The following STXBP5L variants were observed in gnomAD, a reference collection of about 807,000 sequenced individuals.
The protein encoded by STXBP5L is syntaxin-binding protein 5-like.
A neutral mutation model predicts 144.5 loss-of-function variants in STXBP5L; 65 were observed. The ratio of observed to expected loss-of-function variants is 0.45; its 90% CI spans 0.37 to 0.55. The LOEUF (loss-of-function observed/expected upper bound fraction) is 0.55. STXBP5L is among the 20% of genes least tolerant of loss of function. STXBP5L has a pLI of 0.00. For missense variants in STXBP5L, 1,298 were observed against 1,405.5 expected (o/e 0.92, Z 1.22); for synonymous variants, 505 against 469.6 (o/e 1.08, Z -0.97).
At chr3:121,190,650 C>A (rs1020477867) in intron 9 of STXBP5L, among the ~76,000 whole-genome samples, 1 of 151,932 alleles carries the variant, frequency 6.6e-6, no homozygotes, top group Non-Finnish European at 1.5e-5. Context: ...GCACCCCCCA[C>A]CTCCCAGATG....
At chr3:121,384,095 T>A (rs1242845265) in intron 22 of STXBP5L, among the ~76,000 whole-genome samples, 1 of 152,094 alleles carries the variant, frequency 6.6e-6, no homozygotes, top group African/African-American at 2.4e-5. Context: ...TACTTTGAAA[T>A]TTATCCACTC....
chr3:121,172,692 A>C (rs1175761623), intron 9 of STXBP5L, among the ~76,000 whole-genome samples: 1 of 152,184 alleles, frequency 6.6e-6, no homozygotes, highest in Non-Finnish European at 1.5e-5. Context: ...CAGATGCTGG[A>C]GAGGATGTGG....
intron 5 of STXBP5L, among the ~76,000 whole-genome samples, chr3:121,097,712 T>C (rs1053577352): frequency 4.6e-5 from 7 of 152,122 alleles, no homozygotes; most frequent in African/African-American, 1.7e-4. Context: ...TCACCCACCT[T>C]CTGTGTCGAT....
chr3:121,021,806 A>G (rs1015301991), intron 3 of STXBP5L, among the ~76,000 whole-genome samples: 1 of 152,174 alleles, frequency 6.6e-6, no homozygotes, highest in Non-Finnish European at 1.5e-5. Flanking sequence ...GCCTATATAA[A>G]AAAGTCTGAA....
chr3:121,257,113 A>G (rs777842392), intron 16 of STXBP5L, 48 bp from the exon 17 acceptor site: 2 of 1,362,420 alleles, frequency 1.5e-6, no homozygotes, highest in Non-Finnish European at 2.0e-6. Context: ...AATTAAAACG[A>G]TGATTATTAG....
intron 3 of STXBP5L, among the ~76,000 whole-genome samples, chr3:120,989,069 G>C (rs77226484): frequency 6.6e-6 from 1 of 151,778 alleles, no homozygotes; most frequent in Admixed American, 6.6e-5. Flanking sequence ...ACTATCCATC[G>C]ATAGACACTT....
intron 3 of STXBP5L, among the ~76,000 whole-genome samples, chr3:120,999,693 G>T (rs1448489137): frequency 6.6e-6 from 1 of 152,072 alleles, no homozygotes; most frequent in African/African-American, 2.4e-5. Context: ...ACTTACATAT[G>T]TTTTTGTGAT....
chr3:120,963,938 C>A (rs984218004), intron 3 of STXBP5L, among the ~76,000 whole-genome samples: 2 of 152,148 alleles, frequency 1.3e-5, no homozygotes, highest in African/African-American at 4.8e-5. Context: ...TAATTATTGC[C>A]TCAATTTCAG....
At chr3:121,142,568 A>G (rs750505631) in intron 7 of STXBP5L, among the ~76,000 whole-genome samples, 6 of 151,998 alleles carry the variant, frequency 3.9e-5, no homozygotes, top group Non-Finnish European at 8.8e-5. Flanking sequence ...TCTGACCACA[A>G]TGTAATAAAA....
At chr3:121,314,630 G>GGAGAGC (rs2043714225) in intron 19 of STXBP5L, among the ~76,000 whole-genome samples, 1 of 128,840 alleles carries the variant, frequency 7.8e-6, no homozygotes, top group African/African-American at 2.9e-5. Flanking sequence ...AGAGGGAGAG[G>GGAGAGC]GAGAGCGTAA....
chr3:121,331,975 C>G (rs898657430), intron 20 of STXBP5L, among the ~76,000 whole-genome samples: 1 of 148,960 alleles, frequency 6.7e-6, no homozygotes, highest in Non-Finnish European at 1.5e-5. Context: ...TTTCTATAAC[C>G]AAGAAACTCA....
chr3:121,061,348 G>T (rs1576821604), intron 5 of STXBP5L, among the ~76,000 whole-genome samples: 1 of 152,108 alleles, frequency 6.6e-6, no homozygotes, highest in East Asian at 1.9e-4. Flanking sequence ...TGTTCGTTAT[G>T]ATTTCTGTTC....
chr3:121,068,846 G>T (rs2041671468), intron 5 of STXBP5L, among the ~76,000 whole-genome samples: 1 of 150,912 alleles, frequency 6.6e-6, no homozygotes, highest in Non-Finnish European at 1.5e-5. Flanking sequence ...TTATTTTACT[G>T]CAGCTTTGTT....
intron 22 of STXBP5L, among the ~76,000 whole-genome samples, chr3:121,387,680 G>A (rs1213564311): frequency 6.6e-6 from 1 of 152,110 alleles, no homozygotes; most frequent in Non-Finnish European, 1.5e-5. Flanking sequence ...CCCATTTCTT[G>A]TTTTTGTCAG....
intron 9 of STXBP5L, among the ~76,000 whole-genome samples, chr3:121,178,561 T>C (rs989982207): frequency 6.6e-6 from 1 of 152,180 alleles, no homozygotes; most frequent in Non-Finnish European, 1.5e-5. Context: ...TAAAAACTCT[T>C]TTTAAAACAA....
chr3:121,316,796 G>T (rs1287775761), intron 19 of STXBP5L, among the ~76,000 whole-genome samples: 4 of 152,052 alleles, frequency 2.6e-5, no homozygotes, highest in Non-Finnish European at 4.4e-5. Context: ...CTGTTAAATG[G>T]TCCCAGATCT....
chr3:121,056,360 A>G (rs1948460365), intron 5 of STXBP5L, among the ~76,000 whole-genome samples: 1 of 152,088 alleles, frequency 6.6e-6, no homozygotes, highest in African/African-American at 2.4e-5. Flanking sequence ...CGATATACAG[A>G]CCCTTAAATT....
chr3:121,341,295 C>A (rs955979601), intron 20 of STXBP5L, among the ~76,000 whole-genome samples: 2 of 152,134 alleles, frequency 1.3e-5, no homozygotes, highest in African/African-American at 2.4e-5. Context: ...CATCCTTGAT[C>A]TTCAGAGAAA....
At chr3:121,417,902 AAGAG>A (rs755706368) in intron 25 of STXBP5L, among the ~76,000 whole-genome samples, 28 of 152,132 alleles carry the variant, frequency 1.8e-4, no homozygotes, top group Non-Finnish European at 4.1e-4. Flanking sequence ...GAGAGACAGA[AAGAG>A]AGAGAAAGAG....
Sources: allele counts gnomAD v4.1 joint callset (sites outside exome capture counted in the v4.1 genomes callset), GRCh38; gene constraint gnomAD v4.1.1; transcripts MANE v1.5; gene names NCBI Gene and HGNC (gene_info 2026-07-23, HGNC 2026-07-21).